The following PIWIL2 variants were observed in gnomAD, a reference collection of about 807,000 sequenced individuals.
PIWIL2 encodes the protein piwi-like protein 2.
A neutral mutation model predicts 116.5 loss-of-function variants in PIWIL2; 81 were observed. That is an observed-to-expected ratio of 0.70 (90% CI 0.58 to 0.84). The LOEUF (loss-of-function observed/expected upper bound fraction) is 0.84, where lower values mean the gene tolerates loss of function less well. PIWIL2 is among the 40% of genes least tolerant of loss of function. The probability of loss-of-function intolerance (pLI) is 0.00; values close to 1 mark genes in which losing one functional copy is unlikely to be tolerated. For missense variants in PIWIL2, 1,272 were observed against 1,212.3 expected, an observed-to-expected ratio of 1.05 and a Z score of -0.73; for synonymous variants, 489 against 429.5, an observed-to-expected ratio of 1.14 and a Z score of -1.71.
At chr8:22,288,433 G>C in intron 7 of PIWIL2, 109 bp from the exon 8 acceptor site, 1 of 745,898 alleles carries the variant, frequency 1.3e-6, no homozygotes, top group Non-Finnish European at 2.0e-6. Flanking sequence ...GTAGAAAAAT[G>C]TTTTAAGATA....
intron 11 of PIWIL2, 35 bp downstream of exon 11, chr8:22,304,244 G>C: frequency 6.8e-7 from 1 of 1,479,482 alleles, no homozygotes; most frequent in Non-Finnish European, 9.4e-7. Context: ...GCCTCAGGGT[G>C]GGGGTTGGAT....
At chr8:22,331,047 A>G (rs746907516) in intron 20 of PIWIL2, among the ~76,000 whole-genome samples, 1 of 151,188 alleles carries the variant, frequency 6.6e-6, no homozygotes, top group Non-Finnish European at 1.5e-5. Context: ...GTGGTGGTGG[A>G]CTCCTGTAAT....
intron 20 of PIWIL2, among the ~76,000 whole-genome samples, chr8:22,343,612 A>G (rs981243451): frequency 1.9e-4 from 29 of 152,330 alleles, no homozygotes; most frequent in Middle Eastern, 3.4e-3. Flanking sequence ...ATAGGTAGAT[A>G]GATAGATGGC....
At chr8:22,350,577 A>G (rs907855623) in intron 20 of PIWIL2, among the ~76,000 whole-genome samples, 2 of 152,198 alleles carry the variant, frequency 1.3e-5, no homozygotes, top group Non-Finnish European at 2.9e-5. Context: ...AGCCTCGGCA[A>G]GAGCATGAGA....
intron 6 of PIWIL2, among the ~76,000 whole-genome samples, chr8:22,287,095 A>T (rs749034225): frequency 1.3e-5 from 2 of 151,606 alleles, no homozygotes; most frequent in African/African-American, 4.9e-5. Flanking sequence ...AAAAAAAAAA[A>T]GGGAGATGGG....
At chr8:22,320,707 C>T (rs903920514) in intron 20 of PIWIL2, among the ~76,000 whole-genome samples, 6 of 152,148 alleles carry the variant, frequency 3.9e-5, no homozygotes, top group African/African-American at 1.4e-4. Context: ...TCTCCTGCCT[C>T]AGCCTCCCAT....
chr8:22,279,635 C>G, intron 2 of PIWIL2, 51 bp downstream of exon 2: 1 of 1,517,520 alleles, frequency 6.6e-7, no homozygotes, highest in Non-Finnish European at 9.1e-7. Context: ...ACCTGTGTGC[C>G]GTCAGAGGAA....
intron 19 of PIWIL2, 135 bp downstream of exon 19, chr8:22,316,468 A>T: frequency 1.1e-5 from 6 of 538,400 alleles, no homozygotes; most frequent in South Asian, 4.2e-5. Context: ...CTCTATCTTC[A>T]TGTGAATTTT....
chr8:22,312,023 G>C (rs1485610127), intron 16 of PIWIL2, among the ~76,000 whole-genome samples: 1 of 152,058 alleles, frequency 6.6e-6, no homozygotes. Flanking sequence ...CAGCACGTTG[G>C]GATGCTGAGG....
chr8:22,332,282 C>T (rs1831879939), intron 20 of PIWIL2, among the ~76,000 whole-genome samples: 2 of 152,052 alleles, frequency 1.3e-5, no homozygotes, highest in South Asian at 2.1e-4. Context: ...GCACTCCAGC[C>T]TGGGCTTACA....
rs1373103903 is a variant in PIWIL2 at position 22,354,328 on chromosome 8, T to C, written c.2715T>C (p.His905=). ...HVRQGCGIPT[H]YVCVLNTANL... The stretch of plus-strand genomic sequence containing the variant: ...GGCAGGGCTGTGGCATTCCTACGCA[T>C]TATGTCTGTGTTCTCAACACCGCAA... Residue 905 remains histidine, a synonymous_variant, in exon 22 of 23, where the codon CAT becomes CAC. Coordinates refer to ENST00000356766, the MANE Select transcript of PIWIL2 (RefSeq NM_018068.5). The C allele has an allele frequency of 1.2e-6, 2 of 1,613,720 alleles. No individual in the cohort carries two copies. Among genetic ancestry groups the C allele is most frequent in the African/African-American group, 2.7e-5 (2 of 74,906 alleles).
Position 22,287,631 on chromosome 8 carries a change from G to A in PIWIL2, c.847G>A (p.Val283Ile), listed in dbSNP as rs780207437. 1 of 1,601,068 alleles carries A rather than the reference G, an allele frequency of 6.2e-7. No homozygotes were observed. Among genetic ancestry groups the A allele is most frequent in the South Asian group, 1.1e-5 (1 of 90,850 alleles). ...TGATGGATCTATTCTCTATCTGCCT[G>A]TTAAGCTTCAACAAGTGAGACCAAA... is the stretch of plus-strand genomic sequence containing the variant. Reference protein sequence around the residue: ...AFDGSILYLPVKLQQVLELKS... With the variant: ...AFDGSILYLPIKLQQVLELKS... Residue 283 changes from valine to isoleucine, a missense_variant, in exon 7 of 23, where the codon GTT (valine) becomes ATT (isoleucine). Coordinates refer to ENST00000356766, the MANE Select transcript of PIWIL2 (RefSeq NM_018068.5).
chr8:22,323,535 A>AT (rs913771345), intron 20 of PIWIL2, among the ~76,000 whole-genome samples: 13 of 152,070 alleles, frequency 8.5e-5, no homozygotes, highest in African/African-American at 3.1e-4. Flanking sequence ...CAGCCCAGTC[A>AT]TTTTTTTTAA....
At chr8:22,294,644 C>CAAAAAAAA (rs897494985) in intron 10 of PIWIL2, among the ~76,000 whole-genome samples, 7 of 29,884 alleles carry the variant, frequency 2.3e-4, no homozygotes, top group Non-Finnish European at 3.4e-4. Context: ...GACTCTGTCT[C>CAAAAAAAA]AAAAAAAAAA....
At position 22,279,313 on chromosome 8, in the gene PIWIL2, A is replaced by T; in HGVS notation, c.-46-28A>T. 12 of 1,173,636 alleles carry T rather than the reference A, an allele frequency of 1.0e-5. No individual in the cohort carries two copies. In the South Asian group the frequency reaches 1.2e-4, roughly 12 times the overall value. 72.7% of individuals were successfully genotyped at this position (1,173,636 alleles called of 1,614,324 possible). On this transcript the variant is annotated intron_variant, in intron 1 of 22. Transcript: ENST00000356766. ...TTGAAGGAAAAGGAAAACAATTGGG[A>T]ATCTTAATCTTTTGAAAATGATGGC...
At chr8:22,308,794 G>A (rs1274039067) in intron 14 of PIWIL2, among the ~76,000 whole-genome samples, 6 of 151,954 alleles carry the variant, frequency 3.9e-5, no homozygotes, top group African/African-American at 4.8e-5. Flanking sequence ...AATTACAGGC[G>A]CACACCACCA....
chr8:22,299,525 C>T (rs1830995338), intron 10 of PIWIL2, among the ~76,000 whole-genome samples: 1 of 150,136 alleles, frequency 6.7e-6, no homozygotes, highest in African/African-American at 2.5e-5. Context: ...TTTTTTCTTA[C>T]AAATTTGAAA....
intron 6 of PIWIL2, among the ~76,000 whole-genome samples, chr8:22,285,040 G>T (rs1382577023): frequency 6.6e-6 from 1 of 152,100 alleles, no homozygotes; most frequent in Non-Finnish European, 1.5e-5. Context: ...GATTAAGTCA[G>T]GCTAATTGAC....
In PIWIL2 at chr8:22,314,471, G is replaced by A. The variant is rs201456555; in HGVS notation, c.2091+42G>A. ...GCAGGAGGCGCAGATGGCACCTCTCGCCTCCCCGAGGCTTGAGAAGAGGGA... is the reference window on the plus strand; with the variant it reads ...GCAGGAGGCGCAGATGGCACCTCTCACCTCCCCGAGGCTTGAGAAGAGGGA... On this transcript the variant is annotated intron_variant, in intron 17 of 22. Coordinates refer to ENST00000356766, the MANE Select transcript of PIWIL2 (RefSeq NM_018068.5). 433 of 1,022,764 alleles carry A rather than the reference G, an allele frequency of 4.2e-4. 2 individuals are homozygous for A. The highest frequency in any genetic ancestry group is 1.1e-3 in the Middle Eastern group (5 of 4,396). The allele number at this position is 1,022,764 out of a possible 1,614,324, so 63.4% of individuals were successfully genotyped here. A position where few individuals can be genotyped will look rare whatever the true frequency, so the allele number is the denominator to read the frequency against.
Sources: allele counts gnomAD v4.1 joint callset (sites outside exome capture counted in the v4.1 genomes callset), GRCh38; gene constraint gnomAD v4.1.1; transcripts MANE v1.5; gene names NCBI Gene and HGNC (gene_info 2026-07-23, HGNC 2026-07-21).